Variants in BARX2 observed in about 807,000 individuals in gnomAD.
The protein encoded by BARX2 is BARX homeobox 2.
In BARX2, 11 loss-of-function variants were observed where a neutral mutation model predicts 25.5. That is an observed-to-expected ratio of 0.43 (90% CI 0.27 to 0.71). The LOEUF (loss-of-function observed/expected upper bound fraction) is 0.71. Among genes scored for constraint, BARX2 ranks in the 30% least tolerant of loss-of-function variants. The pLI is 0.19. For missense variants in BARX2, 360 were observed against 359.9 expected (o/e 1.00, Z 0.00); for synonymous variants, 137 against 149.5 (o/e 0.92, Z 0.61).
intron 1 of BARX2, among the ~76,000 whole-genome samples, chr11:129,414,720 T>A (rs987355402): frequency 6.6e-6 from 1 of 152,192 alleles, no homozygotes. Flanking sequence ...ATTACAGCCA[T>A]GGGTTTGCTT....
At chr11:129,414,062 T>G (rs1861917756) in intron 1 of BARX2, among the ~76,000 whole-genome samples, 1 of 144,174 alleles carries the variant, frequency 6.9e-6, no homozygotes, top group African/African-American at 2.8e-5. Context: ...GGAGACTCCA[T>G]CTCAAAAAAA....
intron 1 of BARX2, among the ~76,000 whole-genome samples, chr11:129,429,261 G>A (rs562259927): frequency 6.6e-6 from 1 of 152,096 alleles, no homozygotes; most frequent in Non-Finnish European, 1.5e-5. Context: ...GCCGGGCATG[G>A]TGGCTCACAC....
At chr11:129,391,465 G>T (rs575238575) in intron 1 of BARX2, among the ~76,000 whole-genome samples, 1 of 152,282 alleles carries the variant, frequency 6.6e-6, no homozygotes, top group South Asian at 2.1e-4. Context: ...CCTTTACAAG[G>T]AAGGTTCGCC....
At chr11:129,424,742 AATG>A (rs1490279825) in intron 1 of BARX2, among the ~76,000 whole-genome samples, 3 of 152,186 alleles carry the variant, frequency 2.0e-5, no homozygotes, top group African/African-American at 4.8e-5. Context: ...AGAGTTCCCT[AATG>A]ATGATGACAG....
chr11:129,423,845 C>A (rs1327073902), intron 1 of BARX2, among the ~76,000 whole-genome samples: 2 of 151,118 alleles, frequency 1.3e-5, no homozygotes. Context: ...TCCTCTGTTT[C>A]TTTCTCTCTC....
intron 1 of BARX2, among the ~76,000 whole-genome samples, chr11:129,413,859 C>A (rs554961765): frequency 6.6e-6 from 1 of 151,810 alleles, no homozygotes; most frequent in Non-Finnish European, 1.5e-5. Context: ...GTCAGGAGAT[C>A]GAGACAATCC....
intron 1 of BARX2, among the ~76,000 whole-genome samples, chr11:129,391,853 T>C (rs1302994251): frequency 3.9e-5 from 6 of 152,216 alleles, no homozygotes; most frequent in Non-Finnish European, 8.8e-5. Context: ...AATCTGAGGA[T>C]GGCCCCTGAG....
At chr11:129,404,132 C>T (rs946880411) in intron 1 of BARX2, among the ~76,000 whole-genome samples, 7 of 152,214 alleles carry the variant, frequency 4.6e-5, no homozygotes, top group Non-Finnish European at 1.0e-4. Context: ...TACCTACACA[C>T]ATTGCTGCAC....
chr11:129,438,787 G>A (rs567916100), intron 2 of BARX2, among the ~76,000 whole-genome samples: 2 of 152,324 alleles, frequency 1.3e-5, no homozygotes, highest in Non-Finnish European at 2.9e-5. Flanking sequence ...CAAGCCAGGC[G>A]CTGGTGCCTG....
At chr11:129,422,601 G>A (rs1028468857) in intron 1 of BARX2, among the ~76,000 whole-genome samples, 76 of 150,514 alleles carry the variant, frequency 5.0e-4, no homozygotes, top group African/African-American at 1.8e-3. Flanking sequence ...GTCCAGCCAG[G>A]ACATGGTCTT....
chr11:129,410,496 G>A (rs1037242366), intron 1 of BARX2, among the ~76,000 whole-genome samples: 1 of 152,160 alleles, frequency 6.6e-6, no homozygotes, highest in African/African-American at 2.4e-5. Flanking sequence ...TTCCTCAGAT[G>A]TTTAGTGACT....
intron 2 of BARX2, among the ~76,000 whole-genome samples, chr11:129,442,431 T>C (rs1862272694): frequency 6.6e-6 from 1 of 152,120 alleles, no homozygotes; most frequent in South Asian, 2.1e-4. Context: ...GGGTCTGGAA[T>C]GATGAGTGGA....
At chr11:129,448,772 A>G (rs1334934508) in intron 3 of BARX2, among the ~76,000 whole-genome samples, 2 of 152,258 alleles carry the variant, frequency 1.3e-5, no homozygotes, top group African/African-American at 4.8e-5. Flanking sequence ...CCATGTTCAC[A>G]GCCGCTTCAT....
upstream of BARX2, among the ~76,000 whole-genome samples, chr11:129,375,590 G>T (rs577643120): frequency 1.5e-4 from 23 of 152,206 alleles, no homozygotes; most frequent in South Asian, 4.1e-4. This position sits in a 1 kb window ranked among gnomAD's most constrained non-coding sequence, Gnocchi z 4.0. Context: ...CGCGTCCCGG[G>T]GGGGAGGGGG....
chr11:129,398,032 T>A (rs1313974284), intron 1 of BARX2, among the ~76,000 whole-genome samples: 2 of 152,256 alleles, frequency 1.3e-5, no homozygotes, highest in Admixed American at 6.5e-5. Context: ...CTGTATAAGA[T>A]GTAGTAGGCT....
At chr11:129,410,048 A>G (rs555710874) in intron 1 of BARX2, among the ~76,000 whole-genome samples, 1 of 152,282 alleles carries the variant, frequency 6.6e-6, no homozygotes, top group Non-Finnish European at 1.5e-5. Flanking sequence ...GGAATTATTG[A>G]TGGTACCTTT....
rs559226837 is a variant in BARX2, at chr11:129,442,988, G to A, written c.573+69G>A. The stretch of plus-strand genomic sequence containing the variant: ...GACTTTTACTCCAGGGCTGTTGGGA[G>A]GGAGGCCGGACCATTTGGCAGTTTG... On this transcript the variant is annotated intron_variant, in intron 3 of 3. Coordinates refer to ENST00000281437, the MANE Select transcript of BARX2 (RefSeq NM_003658.5). 19 of 1,432,020 alleles carry A rather than the reference G, an allele frequency of 1.3e-5. No homozygotes were observed. In the Admixed American group the frequency reaches 2.0e-4, roughly 15 times the overall value. The allele number at this position is 1,432,020 out of a possible 1,614,324, so 88.7% of individuals were successfully genotyped here.
chr11:129,443,369 G>A (rs1011339994), intron 3 of BARX2, among the ~76,000 whole-genome samples: 1 of 151,996 alleles, frequency 6.6e-6, no homozygotes, highest in African/African-American at 2.4e-5. Context: ...CTCCCACCAA[G>A]AGCTAAAAAT....
At chr11:129,412,453 T>G (rs1161360087) in intron 1 of BARX2, among the ~76,000 whole-genome samples, 3 of 152,152 alleles carry the variant, frequency 2.0e-5, no homozygotes, top group Admixed American at 2.0e-4. Flanking sequence ...AAGGCAGTGG[T>G]ATTAAACAGC....
Sources: allele counts gnomAD v4.1 joint callset (sites outside exome capture counted in the v4.1 genomes callset), GRCh38; gene constraint gnomAD v4.1.1; non-coding constraint Gnocchi (gnomAD v3.1); transcripts MANE v1.5; gene names NCBI Gene and HGNC (gene_info 2026-07-23, HGNC 2026-07-21).